NT5DC4: variants seen among roughly 807,000 people sequenced by gnomAD.
The protein encoded by NT5DC4 is 5'-nucleotidase domain-containing protein 4.
NT5DC4 carries 44 observed loss-of-function variants against 26.6 expected under a neutral mutation model. The ratio of observed to expected loss-of-function variants is 1.65; its 90% CI spans 1.30 to 2.13. The LOEUF is 2.13. Ranked by LOEUF, NT5DC4 falls within the 30% of genes most tolerant of loss-of-function variation. NT5DC4 has a pLI of 0.00. For synonymous variants in NT5DC4, 157 were observed against 86.7 expected (o/e 1.81, Z -4.51); for missense variants, 399 against 228.1 (o/e 1.75, Z -4.83).
intron 13 of NT5DC4, 32 bp from the exon 14 acceptor site, chr2:112,726,206 C>T (rs1677696058): frequency 1.4e-6 from 1 of 717,112 alleles, no homozygotes; most frequent in Non-Finnish European, 2.6e-6. Flanking sequence ...CAGGCCGTCA[C>T]TCACCCCCAC....
chr2:112,739,326 T>A (rs1445950779), downstream of NT5DC4, among the ~76,000 whole-genome samples: 7 of 151,944 alleles, frequency 4.6e-5, no homozygotes, highest in Non-Finnish European at 1.0e-4. Context: ...GAGGGTGAAG[T>A]GGGAGGACTG....
chr2:112,721,581 C>T (rs1361417183), intron 1 of NT5DC4: 1 of 717,676 alleles, frequency 1.4e-6, no homozygotes, highest in Non-Finnish European at 2.6e-6. Context: ...CCCGCACACA[C>T]TCAGATGCAC....
intron 16 of NT5DC4, among the ~76,000 whole-genome samples, chr2:112,730,467 C>T: frequency 6.6e-6 from 1 of 152,190 alleles, no homozygotes; most frequent in Non-Finnish European, 1.5e-5. Context: ...AGGATGTGCC[C>T]TCTTCCACAT....
downstream of NT5DC4, among the ~76,000 whole-genome samples, chr2:112,740,229 G>A (rs72950390): frequency 0.012 from 1,845 of 152,212 alleles, 39 homozygotes; most frequent in African/African-American, 0.043. Context: ...GTTTAGGATT[G>A]GAAGAGATTC....
rs199616479 is a variant in NT5DC4, at chr2:112,738,896, T to A, written c.1345-17T>A. On this transcript the variant is annotated splice_polypyrimidine_tract_variant and intron_variant, in intron 16 of 16. Coordinates refer to ENST00000688554, the MANE Select transcript of NT5DC4 (RefSeq NM_001393655.1). ...TCTACGGAATATAAAACATTTTGTT[T>A]CTTCCACTTCTAACAGTTCATCAAG... 4 of 1,614,140 alleles carry A rather than the reference T, an allele frequency of 2.5e-6. No homozygotes were observed. The highest frequency in any genetic ancestry group is 3.4e-6 in the Non-Finnish European group (4 of 1,179,990).
intron 16 of NT5DC4, chr2:112,737,953 TC>T (rs1198675236): frequency 6.6e-6 from 1 of 151,458 alleles, no homozygotes; most frequent in African/African-American, 2.5e-5. Flanking sequence ...ACTAGGTTTT[TC>T]TACACAATTA....
rs887788495 is a variant in NT5DC4 at position 112,725,555 on chromosome 2, G to A, written c.1153+3G>A. The stretch of plus-strand genomic sequence containing the variant: ...GGACATCTGGGCCCAGGAGAAGGGT[G>A]AGCTGTTGGGGTCTGGAACAGTCAG... On this transcript the variant is annotated splice_donor_region_variant and intron_variant, in intron 13 of 16. Coordinates refer to ENST00000688554, the MANE Select transcript of NT5DC4 (RefSeq NM_001393655.1). 19 of 702,550 alleles carry A rather than the reference G, an allele frequency of 2.7e-5. No individual in the cohort carries two copies. The highest frequency in any genetic ancestry group is 4.8e-5 in the Non-Finnish European group (18 of 374,782). The allele number at this position is 702,550 out of a possible 1,614,324, so 43.5% of individuals were successfully genotyped here.
rs556349401 is a variant in NT5DC4 at position 112,722,269 on chromosome 2, T to G, written c.353T>G (p.Phe118Cys). ...NVLLGAYGFTFLSDLPLLRAE... is the reference protein window; with the variant it reads ...NVLLGAYGFTCLSDLPLLRAE... ...CTGCTGGGTGCCTATGGCTTCACCT[T>G]CCTCTCGGAGTAAGGGACAAAGGTG... Residue 118 changes from phenylalanine to cysteine, a missense_variant, in exon 4 of 17, where the codon TTC becomes TGC. Physicochemically the swap from Phe to Cys is radical, Grantham distance 205. Transcript: ENST00000688554. 6.4e-5 allele frequency: 46 copies of G among 717,012 alleles called. No homozygotes were observed. Among genetic ancestry groups the G allele is most frequent in the African/African-American group, 4.4e-4 (25 of 57,380 alleles). The allele number at this position is 717,012 out of a possible 1,614,324, so 44.4% of individuals were successfully genotyped here. A position where few individuals can be genotyped will look rare whatever the true frequency, so the allele number is the denominator to read the frequency against.
chr2:112,740,607 G>A (rs1316622236), downstream of NT5DC4, among the ~76,000 whole-genome samples: 1 of 152,162 alleles, frequency 6.6e-6, no homozygotes, highest in African/African-American at 2.4e-5. Context: ...AGGAAAGGCA[G>A]ATAGGATCTG....
chr2:112,720,727 G>A (rs779576573), upstream of NT5DC4, among the ~76,000 whole-genome samples: 1 of 152,170 alleles, frequency 6.6e-6, no homozygotes, highest in African/African-American at 2.4e-5. Context: ...AGTACAGTAC[G>A]GAGCCTCCTG....
rs761909767 is a variant in NT5DC4, at chr2:112,722,781, G to A, written c.527+10G>A. Reference sequence around the variant, plus strand: ...GCTCCCGTTACACTAAGTGCGTCTTGTGCCCTGCCCAGCCCTGGGACGACC... The same window carrying A: ...GCTCCCGTTACACTAAGTGCGTCTTATGCCCTGCCCAGCCCTGGGACGACC... On this transcript the variant is annotated intron_variant, in intron 6 of 16. Transcript: ENST00000688554. 4.3e-4 allele frequency: 307 copies of A among 717,570 alleles called. 3 individuals are homozygous for A. Among genetic ancestry groups the A allele is most frequent in the Non-Finnish European group, 1.3e-5 (5 of 385,110 alleles). 44.5% of individuals were successfully genotyped at this position (717,570 alleles called of 1,614,324 possible).
chr2:112,725,844 C>T, intron 13 of NT5DC4, among the ~76,000 whole-genome samples: 1 of 150,020 alleles, frequency 6.7e-6, no homozygotes, highest in East Asian at 2.0e-4. Context: ...GCACCTGACC[C>T]CACCCTCCCC....
upstream of NT5DC4, among the ~76,000 whole-genome samples, chr2:112,720,157 C>T (rs377641447): frequency 6.6e-6 from 1 of 151,118 alleles, no homozygotes; most frequent in Non-Finnish European, 1.5e-5. Flanking sequence ...TCTCCTGCCT[C>T]AGCCTCCCGA....
chr2:112,738,137 C>G (rs189855678), intron 16 of NT5DC4: 1 of 152,258 alleles, frequency 6.6e-6, no homozygotes, highest in Admixed American at 6.5e-5. Context: ...CCCCTGCCCC[C>G]CTTTTGTTAC....
At position 112,729,715 on chromosome 2, in the gene NT5DC4, G is replaced by A. The variant is rs1273969786; in HGVS notation, c.1344+11G>A. ...TCCTGCAACCAGAGGGTGAGTGGCT[G>A]TGGCCGACGAACTCTGTGGCTTGGG... is the stretch of plus-strand genomic sequence containing the variant. On this transcript the variant is annotated intron_variant, in intron 16 of 16. Transcript: ENST00000688554. 1.4e-6 allele frequency: 1 copy of A among 717,438 alleles called. No individual in the cohort carries two copies. Among genetic ancestry groups the A allele is most frequent in the Non-Finnish European group, 2.6e-6 (1 of 385,090 alleles). The allele number at this position is 717,438 out of a possible 1,614,324, so 44.4% of individuals were successfully genotyped here.
At chr2:112,727,116 A>G in intron 15 of NT5DC4, 1 of 260,630 alleles carries the variant, frequency 3.8e-6, no homozygotes, top group Non-Finnish European at 7.8e-6. Flanking sequence ...AGAGAAGAAA[A>G]GACAGTGTTC....
In NT5DC4 at chr2:112,722,094, TCCC is replaced by T; in HGVS notation, c.259_261del (p.Pro87del). ...CTGCGCTACACCTACGACCCCACCTTCCCCACCAGGTGTGTGGCTCAGGACAGG... is the reference window on the plus strand; with the variant it reads ...CTGCGCTACACCTACGACCCCACCTTCACCAGGTGTGTGGCTCAGGACAGG... On this transcript the variant is annotated inframe_deletion, in exon 3 of 17. Transcript: ENST00000688554. 1.4e-6 allele frequency: 1 copy of T among 716,938 alleles called. No individual in the cohort carries two copies. The highest frequency in any genetic ancestry group is 1.5e-5 in the South Asian group (1 of 67,596). 44.4% of individuals were successfully genotyped at this position (716,938 alleles called of 1,614,324 possible).
chr2:112,740,566 C>T (rs895350629), downstream of NT5DC4, among the ~76,000 whole-genome samples: 10 of 152,178 alleles, frequency 6.6e-5, no homozygotes, highest in African/African-American at 2.4e-4. Flanking sequence ...ATCTTATCAC[C>T]CCAACCATAC....
rs56756055 is a variant in NT5DC4, at chr2:112,739,003, A to G, written c.*67A>G. 1,663 of 1,614,232 alleles carry G rather than the reference A, an allele frequency of 1.0e-3. 21 individuals carry two copies. The African/African-American group carries it at 0.02, about 19-fold the overall frequency. On this transcript the variant is annotated 3_prime_UTR_variant, in exon 17 of 17. Coordinates refer to ENST00000688554, the MANE Select transcript of NT5DC4 (RefSeq NM_001393655.1). Reference sequence around the variant, plus strand: ...GCTCAATCCTCGACGAACGCCGTACAGGAGTGATAAATTTCATGTCTTGCA... The same window carrying G: ...GCTCAATCCTCGACGAACGCCGTACGGGAGTGATAAATTTCATGTCTTGCA...
Sources: gnomAD v4.1 joint callset for allele counts (sites outside exome capture counted in the v4.1 genomes callset) on GRCh38, gnomAD v4.1.1 for gene constraint, MANE v1.5 for transcripts, NCBI Gene and HGNC (gene_info 2026-07-23, HGNC 2026-07-21) for gene names.